Variants in CNBD1 observed in about 807,000 individuals in gnomAD.
CNBD1 encodes cyclic nucleotide-binding domain-containing protein 1.
CNBD1 carries 71 observed loss-of-function variants against 54.4 expected under a neutral mutation model. The observed-to-expected ratio is 1.30, with a 90% CI of 1.08 to 1.59. The LOEUF is 1.59. Among genes scored for constraint, CNBD1 ranks in the 40% most tolerant of loss-of-function variants. CNBD1 has a pLI of 0.00. For missense variants in CNBD1, 659 were observed against 518.0 expected (o/e 1.27, Z -2.64); for synonymous variants, 182 against 170.7 (o/e 1.07, Z -0.51).
intron 4 of CNBD1, among the ~76,000 whole-genome samples, chr8:87,087,865 C>T (rs1031239138): frequency 6.6e-6 from 1 of 152,122 alleles, no homozygotes; most frequent in Non-Finnish European, 1.5e-5. Flanking sequence ...GTAATGGAGA[C>T]CACAGATGCT....
chr8:86,982,736 T>C (rs775767966), intron 4 of CNBD1, among the ~76,000 whole-genome samples: 2 of 152,176 alleles, frequency 1.3e-5, no homozygotes, highest in Admixed American at 6.5e-5. Flanking sequence ...TATCCCATCT[T>C]ACCTTCTTTT....
At chr8:87,425,993 G>A (rs1004612786) in intron 2 of CNBD1, among the ~76,000 whole-genome samples, 2 of 152,232 alleles carry the variant, frequency 1.3e-5, no homozygotes, top group Non-Finnish European at 2.9e-5. Flanking sequence ...AGGACCCTCT[G>A]AGCCAGGTGC....
chr8:86,988,928 G>T lies in CNBD1; in HGVS notation c.431+49174G>T, dbSNP rs913711530. Among the ~76,000 whole-genome samples, 6 of 152,016 alleles carry T rather than the reference G, an allele frequency of 3.9e-5. No homozygotes were observed. In the East Asian group the frequency reaches 1.2e-3, roughly 29 times the overall value. On this transcript the variant is annotated intron_variant, in intron 4 of 10. Coordinates refer to ENST00000518476, the MANE Select transcript of CNBD1 (RefSeq NM_173538.3). ...TTCTTTATCCATTTTTTTGTTGATG[G>T]ATAATTAGATTGCTTCAAAATCTTG... is the stretch of plus-strand genomic sequence containing the variant.
chr8:86,979,619 A>G (rs1808426705), intron 4 of CNBD1, among the ~76,000 whole-genome samples: 1 of 152,106 alleles, frequency 6.6e-6, no homozygotes, highest in Non-Finnish European at 1.5e-5. Context: ...CTGAGTATGT[A>G]ATTCCAAATG....
At chr8:87,358,202 A>C (rs2130933954) in intron 10 of CNBD1, among the ~76,000 whole-genome samples, 1 of 152,316 alleles carries the variant, frequency 6.6e-6, no homozygotes, top group African/African-American at 2.4e-5. Flanking sequence ...GCAATGCAAA[A>C]CTGACTAATA....
At chr8:86,893,144 A>G (rs936036805) in intron 2 of CNBD1, among the ~76,000 whole-genome samples, 2 of 152,182 alleles carry the variant, frequency 1.3e-5, no homozygotes, top group African/African-American at 4.8e-5. Context: ...GATGGCAGAA[A>G]ATGTGGGCAG....
intron 4 of CNBD1, among the ~76,000 whole-genome samples, chr8:86,967,152 C>T (rs1170763037): frequency 6.6e-6 from 1 of 152,192 alleles, no homozygotes; most frequent in Non-Finnish European, 1.5e-5. Context: ...AGACCAGACA[C>T]CCTTGAGCCT....
intron 3 of CNBD1, among the ~76,000 whole-genome samples, chr8:86,906,714 A>G (rs566147445): frequency 6.6e-6 from 1 of 152,316 alleles, no homozygotes; most frequent in Admixed American, 6.5e-5. Flanking sequence ...CCTCATATTT[A>G]TTCATTAATC....
At chr8:87,347,456 A>T (rs1214872179) in intron 8 of CNBD1, among the ~76,000 whole-genome samples, 1 of 152,148 alleles carries the variant, frequency 6.6e-6, no homozygotes, top group African/African-American at 2.4e-5. Context: ...AGAAAATATA[A>T]TATACAATAA....
At chr8:86,986,864 T>C (rs1808620122) in intron 4 of CNBD1, among the ~76,000 whole-genome samples, 1 of 152,204 alleles carries the variant, frequency 6.6e-6, no homozygotes, top group South Asian at 2.1e-4. Context: ...GTTCCATTGG[T>C]TGATGTGTCT....
chr8:87,195,355 AAT>A (rs1303074245), intron 4 of CNBD1, among the ~76,000 whole-genome samples: 3 of 150,608 alleles, frequency 2.0e-5, no homozygotes, highest in Non-Finnish European at 1.5e-5. Flanking sequence ...CAGCCTCCCA[AAT>A]AACTGGGATT....
At chr8:87,082,283 G>T (rs2130667013) in intron 4 of CNBD1, among the ~76,000 whole-genome samples, 1 of 152,030 alleles carries the variant, frequency 6.6e-6, no homozygotes, top group African/African-American at 2.4e-5. Flanking sequence ...ACCTTTAACT[G>T]TAATTTTCCA....
At chr8:87,266,763 C>CTT (rs1808267451) in intron 6 of CNBD1, among the ~76,000 whole-genome samples, 3 of 151,896 alleles carry the variant, frequency 2.0e-5, no homozygotes, top group African/African-American at 7.2e-5. Flanking sequence ...CAAAAGAACT[C>CTT]GATGTAGAAC....
chr8:87,218,917 A>G (rs1391290500), intron 5 of CNBD1, among the ~76,000 whole-genome samples: 1 of 151,944 alleles, frequency 6.6e-6, no homozygotes, highest in African/African-American at 2.4e-5. Flanking sequence ...AAACAATATT[A>G]TCTGTATTTT....
At chr8:86,943,944 C>A (rs1057283975) in intron 4 of CNBD1, among the ~76,000 whole-genome samples, 5 of 152,078 alleles carry the variant, frequency 3.3e-5, no homozygotes, top group South Asian at 2.1e-4. Context: ...TGGAATCAAT[C>A]AGTTACAACT....
intron 1 of CNBD1, among the ~76,000 whole-genome samples, chr8:86,884,535 G>C (rs1808653030): frequency 6.6e-6 from 1 of 152,064 alleles, no homozygotes; most frequent in African/African-American, 2.4e-5. Flanking sequence ...GGTATGTTTA[G>C]TGACCTCACT....
At chr8:87,009,126 T>C (rs1030719664) in intron 4 of CNBD1, among the ~76,000 whole-genome samples, 3 of 152,044 alleles carry the variant, frequency 2.0e-5, no homozygotes, top group Non-Finnish European at 4.4e-5. Context: ...TTACTAAATA[T>C]CTCTTTAATT....
At chr8:87,079,709 T>A (rs1810947699) in intron 4 of CNBD1, among the ~76,000 whole-genome samples, 1 of 152,182 alleles carries the variant, frequency 6.6e-6, no homozygotes, top group African/African-American at 2.4e-5. Context: ...GAAGGACTTC[T>A]TATTGAACAC....
chr8:87,336,404 T>C (rs964877066), intron 8 of CNBD1, among the ~76,000 whole-genome samples: 1 of 152,110 alleles, frequency 6.6e-6, no homozygotes, highest in Non-Finnish European at 1.5e-5. Flanking sequence ...CCTTTTCCCC[T>C]TTTTTCCTCT....
Sources: allele counts gnomAD v4.1 joint callset (sites outside exome capture counted in the v4.1 genomes callset), GRCh38; gene constraint gnomAD v4.1.1; transcripts MANE v1.5; gene names NCBI Gene and HGNC (gene_info 2026-07-23, HGNC 2026-07-21).